Variants in DIP2A observed in about 807,000 individuals in gnomAD.
DIP2A encodes the protein DIP2 acetate--CoA ligase A, also known as disco-interacting protein 2 homolog A.
DIP2A carries 85 observed loss-of-function variants against 177.4 expected under a neutral mutation model. The ratio of observed to expected loss-of-function variants is 0.48; its 90% CI spans 0.40 to 0.57. The LOEUF (loss-of-function observed/expected upper bound fraction) is 0.57, where lower values mean the gene tolerates loss of function less well. Ranked by LOEUF, DIP2A falls within the 20% of genes least tolerant of loss-of-function variation. The probability of loss-of-function intolerance (pLI) is 0.00; values close to 1 mark genes in which losing one functional copy is unlikely to be tolerated. For synonymous variants in DIP2A, 886 were observed against 881.8 expected (o/e 1.00, Z -0.08); for missense variants, 1,791 against 2,100.2 (o/e 0.85, Z 2.88).
rs2058052280 is a variant in DIP2A at position 46,507,076 on chromosome 21, T to C, written c.785-2181T>C. Among the ~76,000 whole-genome samples the C allele has an allele frequency of 2.6e-5, 4 of 152,004 alleles. No individual in the cohort carries two copies. The South Asian group carries it at 8.3e-4, about 32-fold the overall frequency. On this transcript the variant is annotated intron_variant, in intron 6 of 37. Transcript: ENST00000417564. ...GTGTGAGCCACTGTGGCCAGCCAAA[T>C]TGTGCTTGTTTTCTTATTGAGTTTT...
intron 1 of DIP2A, among the ~76,000 whole-genome samples, chr21:46,464,844 T>TTTTTTTTTTTTTTTTA (rs58546395): frequency 9.0e-6 from 1 of 111,218 alleles, no homozygotes. Context: ...TTTTTTTTTT[T>TTTTTTTTTTTTTTTTA]CAAGAAAACA....
chr21:46,546,361 G>A (rs576308692), intron 20 of DIP2A: 1 of 1,014,860 alleles, frequency 9.9e-7, no homozygotes, highest in African/African-American at 1.7e-5. Context: ...CCCTCCCAGG[G>A]GACTTCTGGC....
At chr21:46,548,361 C>G (rs114104994) in intron 21 of DIP2A, among the ~76,000 whole-genome samples, 1,757 of 152,262 alleles carry the variant, frequency 0.012, 31 homozygotes, top group African/African-American at 0.04. Context: ...AGACCACCCC[C>G]TCGCAGGGCC....
chr21:46,561,762 A>G lies in DIP2A; in HGVS notation c.4046A>G (p.Glu1349Gly). 6.2e-7 allele frequency: 1 copy of G among 1,613,982 alleles called. No individual in the cohort carries two copies. Among genetic ancestry groups the G allele is most frequent in the Non-Finnish European group, 8.5e-7 (1 of 1,179,892 alleles). ...TTAATTTTTAGGGTTCGTTTGGTAG[A>G]ACGGGGTTCTCCGCACAGCCTGCCA... is the stretch of plus-strand genomic sequence containing the variant. ...ALRHDRVRLV[E>G]RGSPHSLPLM... Residue 1349 changes from glutamate to glycine, a missense_variant, in exon 34 of 38, where the codon GAA (glutamate) becomes GGA (glycine). Physicochemically the swap from Glu to Gly is moderately conservative, Grantham distance 98 (BLOSUM62 -2). Coordinates refer to ENST00000417564, the MANE Select transcript of DIP2A (RefSeq NM_015151.4).
chr21:46,492,667 T>G (rs1345785693), intron 3 of DIP2A, among the ~76,000 whole-genome samples: 1 of 152,116 alleles, frequency 6.6e-6, no homozygotes, highest in African/African-American at 2.4e-5. Flanking sequence ...GGTGCCCTTA[T>G]AAGAAGAGGC....
intron 8 of DIP2A, among the ~76,000 whole-genome samples, chr21:46,511,815 GT>G (rs1319354796): frequency 6.6e-6 from 1 of 152,152 alleles, no homozygotes; most frequent in Non-Finnish European, 1.5e-5. Flanking sequence ...ATTGCTCTGG[GT>G]TCAAGTGTTT....
intron 18 of DIP2A, among the ~76,000 whole-genome samples, chr21:46,543,212 C>T (rs1036392836): frequency 2.0e-5 from 3 of 152,118 alleles, no homozygotes; most frequent in East Asian, 3.9e-4. Context: ...TTGAACCTGT[C>T]GTAAAACATT....
At position 46,557,470 on chromosome 21, in the gene DIP2A, A is replaced by G. The variant is rs2060508451; in HGVS notation, c.3630-115A>G. 7.7e-7 allele frequency: 1 copy of G among 1,303,458 alleles called. No homozygotes were observed. Among genetic ancestry groups the G allele is most frequent in the African/African-American group, 1.5e-5 (1 of 67,978 alleles). 80.7% of individuals were successfully genotyped at this position (1,303,458 alleles called of 1,614,324 possible). A position where few individuals can be genotyped will look rare whatever the true frequency, so the allele number is the denominator to read the frequency against. On this transcript the variant is annotated intron_variant, in intron 30 of 37. Coordinates refer to ENST00000417564, the MANE Select transcript of DIP2A (RefSeq NM_015151.4). The surrounding 1 kb of genome is among the most constrained non-coding windows in gnomAD (Gnocchi z 6.0). Reference sequence around the variant, plus strand: ...CCAAACCCCCCCACTTGGCGTCAGAACAGAAATCATGCCCCTGTTGTGGCT... The same window carrying G: ...CCAAACCCCCCCACTTGGCGTCAGAGCAGAAATCATGCCCCTGTTGTGGCT...
At chr21:46,516,382 T>G (rs11702278) in intron 8 of DIP2A, among the ~76,000 whole-genome samples, 64,652 of 150,592 alleles carry the variant, frequency 0.43, 14,248 homozygotes, top group African/African-American at 0.51. Flanking sequence ...AGTCCTACAT[T>G]TTTAATGTTC....
Position 46,554,282 on chromosome 21 carries a change from C to G in DIP2A, c.3144C>G (p.Val1048=), listed in dbSNP as rs769581998. The G allele has an allele frequency of 1.2e-6, 2 of 1,613,826 alleles. No homozygotes were observed. ...RLSVGDHVAL[V]YPPGVDLIAA... ...GTGTTGGGGACCATGTGGCTCTGGT[C>G]TACCCACCAGGTGGGCTCACTGTGG... The change falls in exon 26 of 38, where the codon GTC becomes GTG. Residue 1048 remains valine (V), a synonymous_variant. Transcript: ENST00000417564.
At chr21:46,483,662 G>T (rs536907687) in intron 1 of DIP2A, among the ~76,000 whole-genome samples, 5 of 152,342 alleles carry the variant, frequency 3.3e-5, no homozygotes, top group African/African-American at 1.2e-4. Flanking sequence ...GTGTCAGTCT[G>T]TTCACACAAC....
Position 46,537,144 on chromosome 21 carries a change from AC to A in DIP2A, c.1643-78del. The A allele has an allele frequency of 7.2e-7, 1 of 1,391,656 alleles. No individual in the cohort carries two copies. The highest frequency in any genetic ancestry group is 1.0e-6 in the Non-Finnish European group (1 of 977,552). 86.2% of individuals were successfully genotyped at this position (1,391,656 alleles called of 1,614,324 possible). A position where few individuals can be genotyped will look rare whatever the true frequency, so the allele number is the denominator to read the frequency against. On this transcript the variant is annotated intron_variant, in intron 13 of 37. Transcript: ENST00000417564. The surrounding 1 kb of genome is among the most constrained non-coding windows in gnomAD (Gnocchi z 4.1). ...AAACTTACATGTTGATGACGTACTCACCTCAGAATTTCTCTAGAAAATGCAT... is the reference window on the plus strand; with the variant it reads ...AAACTTACATGTTGATGACGTACTCACTCAGAATTTCTCTAGAAAATGCAT...
At chr21:46,478,731 T>G (rs185179796) in intron 1 of DIP2A, among the ~76,000 whole-genome samples, 1 of 152,058 alleles carries the variant, frequency 6.6e-6, no homozygotes, top group Non-Finnish European at 1.5e-5. Context: ...ACAGTATTTT[T>G]CAGTCCTAGA....
chr21:46,561,263 A>C, intron 33 of DIP2A: 1 of 269,402 alleles, frequency 3.7e-6, no homozygotes, highest in Non-Finnish European at 7.2e-6. Context: ...ACTGGCAAGA[A>C]CGTTTCTTAC....
At chr21:46,528,527 CTTTTTTTTTTTTTTTTTTTTTTTT>C (rs1162872343) in intron 8 of DIP2A, among the ~76,000 whole-genome samples, 36 of 29,408 alleles carry the variant, frequency 1.2e-3, no homozygotes, top group Middle Eastern at 0.022. Context: ...TTTCTGCTTG[CTTTTTTTTTTTTTTTTTTTTTTTT>C]TTTTTTTTTT....
At chr21:46,512,686 G>GC (rs2058364775) in intron 8 of DIP2A, among the ~76,000 whole-genome samples, 1 of 150,754 alleles carries the variant, frequency 6.6e-6, no homozygotes, top group African/African-American at 2.4e-5. Context: ...AGGCTAGAGT[G>GC]CAGTGGTGCA....
At chr21:46,489,064 C>CAT (rs1415254305) in intron 2 of DIP2A, among the ~76,000 whole-genome samples, 5 of 148,124 alleles carry the variant, frequency 3.4e-5, no homozygotes, top group African/African-American at 1.2e-4. Flanking sequence ...GTATTTTGTA[C>CAT]ATATATATAC....
chr21:46,484,948 A>G, intron 2 of DIP2A, 120 bp downstream of exon 2: 1 of 904,094 alleles, frequency 1.1e-6, no homozygotes, highest in Non-Finnish European at 1.6e-6. Context: ...AAACACTGGT[A>G]TATGTTGATT....
chr21:46,561,598 A>T (rs966662768), intron 33 of DIP2A, 150 bp from the exon 34 acceptor site: 15 of 1,072,952 alleles, frequency 1.4e-5, no homozygotes, highest in Non-Finnish European at 1.8e-5. Flanking sequence ...TGTCCCTGCC[A>T]TTCATGGCAG....
Sources: allele counts gnomAD v4.1 joint callset (sites outside exome capture counted in the v4.1 genomes callset), GRCh38; gene constraint gnomAD v4.1.1; non-coding constraint Gnocchi (gnomAD v3.1); transcripts MANE v1.5; gene names NCBI Gene and HGNC (gene_info 2026-07-23, HGNC 2026-07-21).